The following CCSER1 variants were observed in gnomAD, a reference collection of about 807,000 sequenced individuals.
CCSER1 encodes coiled-coil serine rich protein 1.
Under a neutral mutation model 82.0 loss-of-function variants are expected in CCSER1, and 41 were observed. The observed-to-expected ratio is 0.50, with a 90% CI of 0.39 to 0.65. The LOEUF (loss-of-function observed/expected upper bound fraction) is 0.65, where lower values mean the gene tolerates loss of function less well. Among genes scored for constraint, CCSER1 ranks in the 30% least tolerant of loss-of-function variants. The pLI is 0.00. For synonymous variants in CCSER1, 414 were observed against 383.9 expected, an observed-to-expected ratio of 1.08 and a Z score of -0.92; for missense variants, 1,119 against 1,064.2, an observed-to-expected ratio of 1.05 and a Z score of -0.72.
At chr4:90,728,412 C>T (rs1300515750) in intron 7 of CCSER1, among the ~76,000 whole-genome samples, 1 of 152,098 alleles carries the variant, frequency 6.6e-6, no homozygotes, top group Non-Finnish European at 1.5e-5. Flanking sequence ...CTTTGATGTA[C>T]TTTTTAGGAA....
intron 8 of CCSER1, among the ~76,000 whole-genome samples, chr4:90,869,262 A>G (rs1766125892): frequency 6.6e-6 from 1 of 151,994 alleles, no homozygotes; most frequent in South Asian, 2.1e-4. Context: ...ATAATACTCA[A>G]GAAATCTTTA....
chr4:91,515,498 T>G (rs754300670), intron 10 of CCSER1, among the ~76,000 whole-genome samples: 3 of 152,168 alleles, frequency 2.0e-5, no homozygotes, highest in Non-Finnish European at 4.4e-5. Context: ...AGATAATGGC[T>G]TCCACCTCCA....
intron 5 of CCSER1, among the ~76,000 whole-genome samples, chr4:90,530,988 T>C: frequency 6.6e-6 from 1 of 152,226 alleles, no homozygotes; most frequent in South Asian, 2.1e-4. Flanking sequence ...AGTAAAATGA[T>C]TGTCCTTAAA....
chr4:90,382,578 T>C (rs1749371401), intron 3 of CCSER1, among the ~76,000 whole-genome samples: 1 of 152,030 alleles, frequency 6.6e-6, no homozygotes, highest in Non-Finnish European at 1.5e-5. Context: ...TTTCAGAAAA[T>C]GGAATATAAA....
intron 10 of CCSER1, among the ~76,000 whole-genome samples, chr4:91,167,724 C>A (rs1056646253): frequency 6.6e-6 from 1 of 152,182 alleles, no homozygotes; most frequent in South Asian, 2.1e-4. Context: ...ATATGATTTA[C>A]CTAAATTTAC....
rs182046468 is a variant in CCSER1, at chr4:91,157,133, C to A, written c.2217+71139C>A. Among the ~76,000 whole-genome samples, 48 of 151,966 alleles carry A rather than the reference C, an allele frequency of 3.2e-4. 1 individual carries two copies. In the East Asian group the frequency reaches 8.5e-3, roughly 27 times the overall value. On this transcript the variant is annotated intron_variant, in intron 10 of 10. Coordinates refer to ENST00000509176, the MANE Select transcript of CCSER1 (RefSeq NM_001145065.2). ...CTCTCTATAATTATTGTATAATTTG[C>A]CCTCTAGAAAAATAAACTACTCTAG... is the stretch of plus-strand genomic sequence containing the variant.
At chr4:91,176,091 C>A (rs1581711199) in intron 10 of CCSER1, among the ~76,000 whole-genome samples, 1 of 152,324 alleles carries the variant, frequency 6.6e-6, no homozygotes, top group Admixed American at 6.5e-5. Context: ...AATCCTTTCC[C>A]CATTTCTGAT....
intron 10 of CCSER1, among the ~76,000 whole-genome samples, chr4:91,156,912 T>C (rs1449012642): frequency 1.3e-5 from 2 of 151,956 alleles, no homozygotes; most frequent in Non-Finnish European, 2.9e-5. Flanking sequence ...GACATACTCT[T>C]ATAGCAGTGA....
intron 5 of CCSER1, among the ~76,000 whole-genome samples, chr4:90,475,961 T>A (rs543333270): frequency 6.6e-6 from 1 of 152,264 alleles, no homozygotes; most frequent in Non-Finnish European, 1.5e-5. Flanking sequence ...AGGGGTCAGC[T>A]TTACAATGGG....
At chr4:90,653,725 T>A (rs1729201370) in intron 6 of CCSER1, among the ~76,000 whole-genome samples, 1 of 152,180 alleles carries the variant, frequency 6.6e-6, no homozygotes, top group Non-Finnish European at 1.5e-5. Context: ...AGTGATATGC[T>A]TTTATATTTA....
chr4:90,392,280 A>G (rs1326615790), intron 3 of CCSER1, among the ~76,000 whole-genome samples: 1 of 152,000 alleles, frequency 6.6e-6, no homozygotes, highest in Non-Finnish European at 1.5e-5. Context: ...GCACACATTA[A>G]AATGAAAGTG....
Position 91,047,695 on chromosome 4 carries a change from G to A in CCSER1, c.2173-38255G>A, listed in dbSNP as rs530245723. 2.0e-5 allele frequency among the ~76,000 whole-genome samples: 3 copies of A among 152,224 alleles called. No homozygotes were observed. In the East Asian group the frequency reaches 5.8e-4, roughly 29 times the overall value. ...TACTGACATTATGGGTGAGATTTCAGTTTTTGATGGAAAGTCACTAGTTCT... is the reference window on the plus strand; with the variant it reads ...TACTGACATTATGGGTGAGATTTCAATTTTTGATGGAAAGTCACTAGTTCT... On this transcript the variant is annotated intron_variant, in intron 9 of 10. Transcript: ENST00000509176.
intron 4 of CCSER1, among the ~76,000 whole-genome samples, chr4:90,427,760 C>T (rs1757724821): frequency 6.6e-6 from 1 of 151,484 alleles, no homozygotes; most frequent in Non-Finnish European, 1.5e-5. Context: ...TAATTATATT[C>T]AGTAATATAT....
At chr4:90,296,129 G>A in intron 1 of CCSER1, among the ~76,000 whole-genome samples, 1 of 151,950 alleles carries the variant, frequency 6.6e-6, no homozygotes, top group Non-Finnish European at 1.5e-5. Flanking sequence ...TTCAGCTTTT[G>A]GAAATCATGT....
intron 6 of CCSER1, among the ~76,000 whole-genome samples, chr4:90,723,265 T>C (rs539859101): frequency 1.6e-4 from 24 of 152,080 alleles, no homozygotes; most frequent in African/African-American, 5.5e-4. Context: ...AAAGACGTTT[T>C]AATTGATTTT....
intron 8 of CCSER1, among the ~76,000 whole-genome samples, chr4:90,841,447 A>G (rs1762557072): frequency 6.6e-6 from 1 of 151,778 alleles, no homozygotes. Flanking sequence ...GCGTGGTGGC[A>G]GATGCCTGTA....
Position 91,600,596 on chromosome 4 carries a change from T to A in CCSER1, c.*1539T>A, listed in dbSNP as rs1304821878. On this transcript the variant is annotated 3_prime_UTR_variant, in exon 11 of 11. Coordinates refer to ENST00000509176, the MANE Select transcript of CCSER1 (RefSeq NM_001145065.2). ...AAATTAAAGCTGTGTGCAAAATGCATCTCCTATTATAAAAATGTATTTGTG... is the reference window on the plus strand; with the variant it reads ...AAATTAAAGCTGTGTGCAAAATGCAACTCCTATTATAAAAATGTATTTGTG... 2.0e-5 allele frequency: 3 copies of A among 152,118 alleles called. No homozygotes were observed. Among genetic ancestry groups the A allele is most frequent in the African/African-American group, 7.2e-5 (3 of 41,454 alleles). 9.4% of individuals were successfully genotyped at this position (152,118 alleles called of 1,614,324 possible).
At chr4:91,398,782 GA>G (rs558397557) in intron 10 of CCSER1, among the ~76,000 whole-genome samples, 105 of 143,042 alleles carry the variant, frequency 7.3e-4, no homozygotes, top group East Asian at 2.2e-3. Flanking sequence ...TACTACCAAG[GA>G]AAAAAAAAAA....
intron 3 of CCSER1, among the ~76,000 whole-genome samples, chr4:90,344,095 A>G (rs930181060): frequency 2.0e-5 from 3 of 152,046 alleles, no homozygotes; most frequent in African/African-American, 7.2e-5. Context: ...CATGAGTTCA[A>G]TTGTTTCAAC....
Sources: gnomAD v4.1 joint callset for allele counts (sites outside exome capture counted in the v4.1 genomes callset) on GRCh38, gnomAD v4.1.1 for gene constraint, MANE v1.5 for transcripts, NCBI Gene and HGNC (gene_info 2026-07-23, HGNC 2026-07-21) for gene names.